The following EPG5 variants were observed in gnomAD, a reference collection of about 807,000 sequenced individuals.
The protein encoded by EPG5 is ectopic P-granules 5 autophagy tethering factor.
Under a neutral mutation model 302.7 loss-of-function variants are expected in EPG5, and 159 were observed. The observed-to-expected ratio is 0.53, with a 90% confidence interval of 0.46 to 0.60. EPG5 has a LOEUF of 0.60. Ranked by LOEUF, EPG5 falls within the 20% of genes least tolerant of loss-of-function variation. The pLI is 0.00. For missense variants in EPG5, 2,896 were observed against 3,092.4 expected (o/e 0.94, Z 1.51); for synonymous variants, 1,158 against 1,136.8 (o/e 1.02, Z -0.37).
intron 30 of EPG5, among the ~76,000 whole-genome samples, chr18:45,882,737 G>A (rs926954810): frequency 2.0e-5 from 3 of 152,112 alleles, no homozygotes; most frequent in Non-Finnish European, 4.4e-5. Flanking sequence ...GTCGGGTGCG[G>A]TGGCTCACAC....
intron 39 of EPG5, among the ~76,000 whole-genome samples, chr18:45,863,942 G>A (rs996030168): frequency 6.6e-5 from 10 of 152,064 alleles, no homozygotes; most frequent in Non-Finnish European, 1.5e-4. Context: ...TGAATTTGAG[G>A]ATTGCTGTCT....
At chr18:45,862,349 C>T (rs2048653034) in intron 39 of EPG5, among the ~76,000 whole-genome samples, 1 of 152,022 alleles carries the variant, frequency 6.6e-6, no homozygotes, top group Non-Finnish European at 1.5e-5. Flanking sequence ...CTGTTTAATG[C>T]TTATCTTTTT....
chr18:45,933,981 T>A (rs958726745), intron 11 of EPG5, among the ~76,000 whole-genome samples: 2 of 152,094 alleles, frequency 1.3e-5, no homozygotes, highest in African/African-American at 4.8e-5. Context: ...TTTCGAACAT[T>A]ATAATTTTGT....
intron 40 of EPG5, 24 bp downstream of exon 40, chr18:45,860,080 G>T: frequency 1.2e-6 from 2 of 1,613,456 alleles, no homozygotes; most frequent in South Asian, 2.2e-5. Flanking sequence ...CAATACAATG[G>T]AGCGTAAGAT....
intron 7 of EPG5, among the ~76,000 whole-genome samples, chr18:45,944,987 A>C (rs1364110216): frequency 6.6e-6 from 1 of 152,206 alleles, no homozygotes; most frequent in Non-Finnish European, 1.5e-5. Flanking sequence ...CGTTTGACAC[A>C]GAGCACTAAA....
chr18:45,825,677 TGG>T, the EPG5 span: 1 of 1,596,426 alleles, frequency 6.3e-7, no homozygotes, highest in Admixed American at 1.7e-5. Context: ...GGGCCCTCAC[TGG>T]GGAGGTGGCC....
chr18:45,838,593 G>A, the EPG5 span: 1 of 1,299,808 alleles, frequency 7.7e-7, no homozygotes, highest in Non-Finnish European at 1.0e-6. Context: ...TATTGGGACG[G>A]GGGCAGCCTG....
At chr18:45,923,952 C>T (rs2050212137) in intron 14 of EPG5, among the ~76,000 whole-genome samples, 1 of 151,116 alleles carries the variant, frequency 6.6e-6, no homozygotes, top group Non-Finnish European at 1.5e-5. Context: ...TGATTGAACC[C>T]AGGAGGCAGA....
the EPG5 span, chr18:45,837,673 G>A: frequency 2.7e-6 from 4 of 1,491,374 alleles, no homozygotes; most frequent in Middle Eastern, 2.3e-4. Context: ...CGGGCCCGCA[G>A]GTGTTCCGCT....
Position 45,937,327 on chromosome 18 carries a change from T to TATATACACATATATATAG in EPG5, c.2099+2255_2099+2272dup, listed in dbSNP as rs1335269754. Among the ~76,000 whole-genome samples the TATATACACATATATATAG allele has an allele frequency of 5.3e-3, 791 of 149,864 alleles. 11 individuals carry two copies. The highest frequency in any genetic ancestry group is 0.019 in the African/African-American group (758 of 40,746). On this transcript the variant is annotated intron_variant, in intron 10 of 43. Coordinates refer to ENST00000282041, the MANE Select transcript of EPG5 (RefSeq NM_020964.3). ...ATATATTTATATAGGTATTTATATATATATACACATATATATAGATATACA... is the reference window on the plus strand; with the variant it reads ...ATATATTTATATAGGTATTTATATATATATACACATATATATAGATATACACATATATATAGATATACA...
intron 28 of EPG5, 99 bp downstream of exon 28, chr18:45,889,699 C>A: frequency 9.2e-7 from 1 of 1,084,614 alleles, no homozygotes; most frequent in African/African-American, 1.6e-5. Flanking sequence ...CTAAATTAAC[C>A]TGTGGGTGCT....
chr18:45,884,354 A>G (rs2049171004), intron 30 of EPG5, among the ~76,000 whole-genome samples: 1 of 152,216 alleles, frequency 6.6e-6, no homozygotes, highest in South Asian at 2.1e-4. Flanking sequence ...ACTCCAGTCC[A>G]TGGAAAAACT....
chr18:45,817,361 T>G, the EPG5 span, among the ~76,000 whole-genome samples: 15 of 152,250 alleles, frequency 9.9e-5, no homozygotes, highest in Non-Finnish European at 1.9e-4. Context: ...CTTTCCTTTC[T>G]TTTCTCTACC....
chr18:45,810,884 C>T, the EPG5 span, among the ~76,000 whole-genome samples: 1 of 152,098 alleles, frequency 6.6e-6, no homozygotes. Flanking sequence ...AAATGTGATA[C>T]AACACATAAA....
At chr18:45,837,037 G>A in the EPG5 span, 2 of 1,479,098 alleles carry the variant, frequency 1.4e-6, no homozygotes, top group African/African-American at 1.4e-5. Context: ...AGGCTCATTT[G>A]TGAGAACTAA....
At chr18:45,920,002 T>C (rs2050120260) in intron 16 of EPG5, among the ~76,000 whole-genome samples, 1 of 152,228 alleles carries the variant, frequency 6.6e-6, no homozygotes, top group African/African-American at 2.4e-5. Context: ...TACCTTCTTT[T>C]ACTTAGCTTT....
chr18:45,925,780 G>A lies in EPG5; in HGVS notation c.2676C>T (p.Ala892=), dbSNP rs745649076. 2 of 1,570,142 alleles carry A rather than the reference G, an allele frequency of 1.3e-6. No homozygotes were observed. The highest frequency in any genetic ancestry group is 2.4e-5 in the East Asian group (1 of 42,358). Reference sequence around the variant, plus strand: ...AATTCAGTCCTTCAAGAATAACACAGGCCAGTTTATTCTTCACCACTGTCA... The same window carrying A: ...AATTCAGTCCTTCAAGAATAACACAAGCCAGTTTATTCTTCACCACTGTCA... ...YNLTVVKNKL[A]CVILEGLNWG... is the part of the protein sequence containing the mutation. Residue 892 remains alanine (A), a synonymous_variant, in exon 14 of 44, where the codon GCC becomes GCT. Transcript: ENST00000282041.
intron 16 of EPG5, 126 bp downstream of exon 16, chr18:45,922,215 T>G: frequency 1.9e-5 from 22 of 1,161,260 alleles, no homozygotes; most frequent in East Asian, 2.4e-5. Flanking sequence ...TAATCAAGGA[T>G]TATTATTTGG....
At chr18:45,873,124 C>A (rs1038773422) in intron 35 of EPG5, among the ~76,000 whole-genome samples, 1 of 152,220 alleles carries the variant, frequency 6.6e-6, no homozygotes, top group African/African-American at 2.4e-5. Flanking sequence ...GCTACCAAGT[C>A]TTGATGTCTG....
Sources: gnomAD v4.1 joint callset for allele counts (sites outside exome capture counted in the v4.1 genomes callset) on GRCh38, gnomAD v4.1.1 for gene constraint, MANE v1.5 for transcripts, NCBI Gene and HGNC (gene_info 2026-07-23, HGNC 2026-07-21) for gene names.